The following KAZN variants were observed in gnomAD, a reference collection of about 807,000 sequenced individuals.
The protein encoded by KAZN is kazrin.
Under a neutral mutation model 87.4 loss-of-function variants are expected in KAZN, and 40 were observed. The ratio of observed to expected loss-of-function variants is 0.46; its 90% confidence interval spans 0.36 to 0.60. The LOEUF (loss-of-function observed/expected upper bound fraction) is 0.60, where lower values mean the gene tolerates loss of function less well. KAZN is among the 20% of genes least tolerant of loss of function. The pLI is 0.00. For synonymous variants in KAZN, 466 were observed against 458.3 expected, an observed-to-expected ratio of 1.02 and a Z score of -0.22; for missense variants, 898 against 1,073.9, an observed-to-expected ratio of 0.84 and a Z score of 2.29.
intron 2 of KAZN, among the ~76,000 whole-genome samples, chr1:14,267,546 A>G (rs1651587086): frequency 6.6e-6 from 1 of 152,160 alleles, no homozygotes; most frequent in East Asian, 1.9e-4. Context: ...GTTTTTTATA[A>G]AAGAATTGAG....
chr1:14,018,059 T>G (rs1640652689), intron 1 of KAZN, among the ~76,000 whole-genome samples: 1 of 152,222 alleles, frequency 6.6e-6, no homozygotes, highest in South Asian at 2.1e-4. Flanking sequence ...TATCCCCATT[T>G]GGCAGCTGAG....
At chr1:14,366,633 G>C (rs1325382323) in intron 2 of KAZN, among the ~76,000 whole-genome samples, 1 of 152,216 alleles carries the variant, frequency 6.6e-6, no homozygotes, top group African/African-American at 2.4e-5. Flanking sequence ...GCACTTTTGT[G>C]TGCCAGCGGG....
rs535853796 is a variant in KAZN, at chr1:13,917,381, A to G, written c.91+23625A>G. 1.7e-4 allele frequency among the ~76,000 whole-genome samples: 26 copies of G among 152,350 alleles called. No homozygotes were observed. The South Asian group carries it at 5.4e-3, about 32-fold the overall frequency. ...TTACATAGCTAGAGAGGAAAAGTTG[A>G]TGCTTGGCTTCCAAGTTTCAAAGGA... is the stretch of plus-strand genomic sequence containing the variant. On this transcript the variant is annotated intron_variant, in intron 1 of 16. Transcript: ENST00000636203.
intron 1 of KAZN, among the ~76,000 whole-genome samples, chr1:14,759,796 G>A (rs1230150698): frequency 6.6e-6 from 1 of 152,142 alleles, no homozygotes; most frequent in Non-Finnish European, 1.5e-5. Flanking sequence ...TGAACAATGA[G>A]TATGTGTAGC....
chr1:14,580,518 A>C (rs1235881669), intron 2 of KAZN, among the ~76,000 whole-genome samples: 2 of 143,794 alleles, frequency 1.4e-5, no homozygotes, highest in Non-Finnish European at 3.1e-5. Flanking sequence ...AAATAAATAA[A>C]GTATATTAAT....
At chr1:14,152,136 G>T (rs554915372) in intron 1 of KAZN, among the ~76,000 whole-genome samples, 2 of 152,028 alleles carry the variant, frequency 1.3e-5, no homozygotes, top group Non-Finnish European at 2.9e-5. Context: ...GGTAAATGGG[G>T]CATCCATCAT....
intron 1 of KAZN, among the ~76,000 whole-genome samples, chr1:14,100,148 T>C (rs985092310): frequency 6.6e-6 from 1 of 152,178 alleles, no homozygotes; most frequent in African/African-American, 2.4e-5. Context: ...GCCCAGGATA[T>C]GGCACTGTTG....
chr1:14,926,659 GT>G (rs1390306924), intron 1 of KAZN, among the ~76,000 whole-genome samples: 1 of 152,222 alleles, frequency 6.6e-6, no homozygotes, highest in Non-Finnish European at 1.5e-5. Flanking sequence ...CGTGGAAATG[GT>G]TCTGAAACCA....
chr1:14,903,897 G>T (rs1456428855), intron 1 of KAZN, among the ~76,000 whole-genome samples: 1 of 152,166 alleles, frequency 6.6e-6, no homozygotes, highest in Admixed American at 6.5e-5. Context: ...GTTCCATTTT[G>T]CAGAGGAGAC....
At chr1:14,280,147 G>C (rs1290127368) in intron 2 of KAZN, among the ~76,000 whole-genome samples, 2 of 151,970 alleles carry the variant, frequency 1.3e-5, no homozygotes, top group African/African-American at 4.8e-5. Flanking sequence ...TGGATCACAA[G>C]GTCAAGAGAT....
chr1:14,322,763 C>T (rs988195547), intron 2 of KAZN, among the ~76,000 whole-genome samples: 2 of 152,210 alleles, frequency 1.3e-5, no homozygotes, highest in Non-Finnish European at 2.9e-5. Flanking sequence ...CAAGCCATCA[C>T]TATCTTGTGT....
At chr1:14,954,393 A>G (rs139770738) in intron 1 of KAZN, among the ~76,000 whole-genome samples, 87 of 152,378 alleles carry the variant, frequency 5.7e-4, no homozygotes, top group African/African-American at 2.0e-3. Flanking sequence ...AGTTTTCTCC[A>G]GTAAGGATGA....
chr1:14,016,471 C>G (rs1374017392), intron 1 of KAZN, among the ~76,000 whole-genome samples: 1 of 152,132 alleles, frequency 6.6e-6, no homozygotes, highest in Admixed American at 6.5e-5. Flanking sequence ...GGATTCAGAT[C>G]TCTGGGAGAT....
intron 3 of KAZN, among the ~76,000 whole-genome samples, chr1:15,041,854 C>T (rs1255510514): frequency 6.6e-6 from 1 of 152,154 alleles, no homozygotes; most frequent in Non-Finnish European, 1.5e-5. Flanking sequence ...GCCTCTACCA[C>T]ACTGTCTATG....
chr1:15,001,048 A>G (rs1000297178), intron 2 of KAZN, among the ~76,000 whole-genome samples: 8 of 149,612 alleles, frequency 5.3e-5, no homozygotes, highest in Non-Finnish European at 7.4e-5. Context: ...GACTGCAGTG[A>G]GCCATGGTGG....
rs149614016 is a variant in KAZN, at chr1:14,010,778, A to G, written c.91+117022A>G. Among the ~76,000 whole-genome samples the G allele has an allele frequency of 4.1e-3, 627 of 152,358 alleles. 5 individuals carry two copies. The highest frequency in any genetic ancestry group is 0.015 in the African/African-American group (605 of 41,582). On this transcript the variant is annotated intron_variant, in intron 1 of 16. Coordinates refer to the KAZN transcript ENST00000636203. ...CAAAGCCCAAAAGGATCTGAGTGAC[A>G]TAAGAGAAAGCCTGACAGCTTCATG... is the stretch of plus-strand genomic sequence containing the variant.
intron 2 of KAZN, among the ~76,000 whole-genome samples, chr1:14,212,383 T>A (rs1017980206): frequency 6.6e-6 from 1 of 152,152 alleles, no homozygotes; most frequent in Admixed American, 6.5e-5. Flanking sequence ...GATCACAAAT[T>A]TTCTTTAAAG....
intron 2 of KAZN, among the ~76,000 whole-genome samples, chr1:14,455,988 C>G (rs745705068): frequency 9.2e-5 from 14 of 152,288 alleles, no homozygotes; most frequent in Middle Eastern, 3.4e-3. Context: ...ACCAAAATTG[C>G]AGATGTTAGT....
chr1:14,387,417 C>T lies in KAZN; in HGVS notation c.249+206825C>T, dbSNP rs565519674. Among the ~76,000 whole-genome samples the T allele has an allele frequency of 6.6e-4, 100 of 152,292 alleles. 1 individual carries two copies. The highest frequency in any genetic ancestry group is 2.3e-3 in the African/African-American group (94 of 41,554). On this transcript the variant is annotated intron_variant, in intron 2 of 16. Coordinates refer to the KAZN transcript ENST00000636203. ...CCTTTTAGAGTTTCCAGTTTTTCTG[C>T]TCTGTTTTTTCCCAATCTTTGTGGT...
Sources: allele counts gnomAD v4.1 joint callset (sites outside exome capture counted in the v4.1 genomes callset), GRCh38; gene constraint gnomAD v4.1.1; transcripts MANE v1.5; gene names NCBI Gene and HGNC (gene_info 2026-07-23, HGNC 2026-07-21).